Variants in DNAAF1 observed in about 807,000 individuals in gnomAD.
DNAAF1 encodes the protein dynein assembly factor 1, axonemal.
DNAAF1 carries 65 observed loss-of-function variants against 71.1 expected under a neutral mutation model. The observed-to-expected ratio is 0.91, with a 90% confidence interval of 0.75 to 1.12. DNAAF1 has a LOEUF of 1.12. Among genes scored for constraint, DNAAF1 ranks in the 50% most tolerant of loss-of-function variants. The probability of loss-of-function intolerance (pLI) is 0.00; values close to 1 mark genes in which losing one functional copy is unlikely to be tolerated. For missense variants in DNAAF1, 1,178 were observed against 899.8 expected (o/e 1.31, Z -3.96); for synonymous variants, 414 against 354.6 (o/e 1.17, Z -1.88).
chr16:84,170,366 G>A lies in DNAAF1; in HGVS notation c.1528+10G>A, dbSNP rs2151267504. The A allele has an allele frequency of 6.2e-7, 1 of 1,613,640 alleles. No individual in the cohort carries two copies. The highest frequency in any genetic ancestry group is 8.5e-7 in the Non-Finnish European group (1 of 1,180,032). ...GGAGCTGCCAGGGAAGGTAATGTGA[G>A]CGGAGAAACACACACAGACACACAC... On this transcript the variant is annotated intron_variant, in intron 8 of 11. Coordinates refer to ENST00000378553, the MANE Select transcript of DNAAF1 (RefSeq NM_178452.6).
intron 5 of DNAAF1, among the ~76,000 whole-genome samples, chr16:84,156,141 T>A (rs1276818210): frequency 6.6e-6 from 1 of 152,174 alleles, no homozygotes; most frequent in Non-Finnish European, 1.5e-5. Context: ...TTTTGTATTC[T>A]TAGTAGATTC....
intron 11 of DNAAF1, chr16:84,176,556 G>A (rs577953347): frequency 1.2e-5 from 7 of 585,942 alleles, no homozygotes; most frequent in Non-Finnish European, 2.1e-5. Context: ...ACTGTGTGTG[G>A]GGGTCACAAT....
intron 11 of DNAAF1, 45 bp downstream of exon 11, chr16:84,176,344 C>T: frequency 6.2e-7 from 1 of 1,611,522 alleles, no homozygotes; most frequent in Non-Finnish European, 8.5e-7. Flanking sequence ...ATGTTGGCTC[C>T]CCGGCCTGGG....
intron 11 of DNAAF1, 58 bp downstream of exon 11, chr16:84,176,357 G>T: frequency 6.2e-7 from 1 of 1,609,638 alleles, no homozygotes; most frequent in Non-Finnish European, 8.5e-7. Flanking sequence ...GGCCTGGGAT[G>T]GGTGGGGCAG....
At chr16:84,170,493 G>A (rs903464725) in intron 8 of DNAAF1, 137 bp downstream of exon 8, 2 of 1,380,048 alleles carry the variant, frequency 1.4e-6, no homozygotes, top group African/African-American at 2.9e-5. Context: ...ATGGACACTA[G>A]TTATCTTGTT....
chr16:84,150,270 C>CA lies in DNAAF1; in HGVS notation c.285dup (p.Leu96ThrfsTer15), dbSNP rs762604137. On this transcript the variant is annotated frameshift_variant, in exon 3 of 12. Transcript: ENST00000378553. LOFTEE classifies it high-confidence loss of function. Reference sequence around the variant, plus strand: ...TAACAGAATGACTAAAAGTTCCCTGCAAAAACTCTGCAAGCAGCACAAGCT... The same window carrying CA: ...TAACAGAATGACTAAAAGTTCCCTGCAAAAAACTCTGCAAGCAGCACAAGCT... 11 of 1,613,654 alleles carry CA rather than the reference C, an allele frequency of 6.8e-6. No individual in the cohort carries two copies. Among genetic ancestry groups the CA allele is most frequent in the Non-Finnish European group, 9.3e-6 (11 of 1,179,600 alleles).
At chr16:84,165,239 A>C (rs2087913849) in intron 6 of DNAAF1, among the ~76,000 whole-genome samples, 1 of 152,064 alleles carries the variant, frequency 6.6e-6, no homozygotes, top group African/African-American at 2.4e-5. Flanking sequence ...CTCATTTTGA[A>C]ATTGTGTCAT....
chr16:84,171,083 G>A (rs912633993), intron 8 of DNAAF1, among the ~76,000 whole-genome samples: 12 of 152,074 alleles, frequency 7.9e-5, no homozygotes, highest in African/African-American at 1.9e-4. Context: ...TGACATAAAC[G>A]AAGCCCCGAG....
In DNAAF1 at chr16:84,154,603, G is replaced by C; in HGVS notation, c.379G>C (p.Glu127Gln). 4.3e-6 allele frequency: 7 copies of C among 1,614,150 alleles called. No homozygotes were observed. Among genetic ancestry groups the C allele is most frequent in the African/African-American group, 2.7e-5 (2 of 75,036 alleles). ...KGFDRIENLE[E>Q]YTGLRCLWLQ... is the part of the protein sequence containing the mutation. ...TTTTGATCGCATTGAGAACCTGGAAGAGTACACAGGGCTGCGCTGTCTCTG... is the reference window on the plus strand; with the variant it reads ...TTTTGATCGCATTGAGAACCTGGAACAGTACACAGGGCTGCGCTGTCTCTG... Residue 127 changes from glutamate to glutamine, a missense_variant, in exon 4 of 12, where the codon GAG becomes CAG. Physicochemically the swap from Glu to Gln is conservative, Grantham distance 29 (BLOSUM62 2). Transcript: ENST00000378553.
rs1184177131 is a variant in DNAAF1 at position 84,176,133 on chromosome 16, G to A, written c.1899G>A (p.Leu633=). The A allele has an allele frequency of 1.9e-6, 3 of 1,613,982 alleles. No individual in the cohort carries two copies. The highest frequency in any genetic ancestry group is 2.2e-5 in the East Asian group (1 of 44,874). ...DIFKKEAKRD[L]EIRKQDTKSP... is the part of the protein sequence containing the mutation. ...TTAAAAAAGAAGCTAAGAGGGACTTGGAAATCCGAAAACAAGACACCAAGT... is the reference window on the plus strand; with the variant it reads ...TTAAAAAAGAAGCTAAGAGGGACTTAGAAATCCGAAAACAAGACACCAAGT... The change falls in exon 11 of 12, where the codon TTG becomes TTA. Residue 633 remains leucine, a synonymous_variant. Transcript: ENST00000378553.
At chr16:84,152,708 C>T (rs1474057939) in intron 3 of DNAAF1, among the ~76,000 whole-genome samples, 3 of 149,386 alleles carry the variant, frequency 2.0e-5, no homozygotes, top group Non-Finnish European at 4.4e-5. Context: ...AATCCCAGCA[C>T]TTTGGGAGGC....
At chr16:84,153,326 AAACCAC>A (rs1184938116) in intron 3 of DNAAF1, among the ~76,000 whole-genome samples, 1 of 152,358 alleles carries the variant, frequency 6.6e-6, no homozygotes, top group Admixed American at 6.5e-5. Context: ...CCTATGCAGC[AAACCAC>A]ATGGCACACA....
chr16:84,165,777 A>G lies in DNAAF1; in HGVS notation c.864-6A>G. On this transcript the variant is annotated splice_region_variant and splice_polypyrimidine_tract_variant and intron_variant, in intron 6 of 11. Transcript: ENST00000378553. ...CCCTATTTATGTTTCTTTGTTTTTT[A>G]AACAGAGCTTGTGCGGAGGCCTGGG... is the stretch of plus-strand genomic sequence containing the variant. The G allele has an allele frequency of 6.2e-7, 1 of 1,613,316 alleles. No homozygotes were observed. The highest frequency in any genetic ancestry group is 8.5e-7 in the Non-Finnish European group (1 of 1,179,716).
chr16:84,176,141 G>A lies in DNAAF1; in HGVS notation c.1907G>A (p.Arg636Gln), dbSNP rs773443425. 27 of 1,613,934 alleles carry A rather than the reference G, an allele frequency of 1.7e-5. No individual in the cohort carries two copies. Among genetic ancestry groups the A allele is most frequent in the East Asian group, 1.6e-4 (7 of 44,890 alleles). The change falls in exon 11 of 12, where the codon CGA becomes CAA. Residue 636 changes from arginine (R) to glutamine (Q), a missense_variant. Coordinates refer to ENST00000378553, the MANE Select transcript of DNAAF1 (RefSeq NM_178452.6). Reference sequence around the variant, plus strand: ...GAAGCTAAGAGGGACTTGGAAATCCGAAAACAAGACACCAAGTCCCCAAGA... The same window carrying A: ...GAAGCTAAGAGGGACTTGGAAATCCAAAAACAAGACACCAAGTCCCCAAGA... ...KKEAKRDLEI[R>Q]KQDTKSPRPL...
At chr16:84,152,441 G>A (rs1249592063) in intron 3 of DNAAF1, among the ~76,000 whole-genome samples, 6 of 151,248 alleles carry the variant, frequency 4.0e-5, no homozygotes, top group African/African-American at 1.5e-4. Flanking sequence ...TCAGGAGTTT[G>A]AGACCAGTCT....
chr16:84,155,832 CTT>C, intron 5 of DNAAF1, 83 bp downstream of exon 5: 1 of 1,508,316 alleles, frequency 6.6e-7, no homozygotes. Flanking sequence ...GTCCTTTTGT[CTT>C]TTCTCTCCTT....
chr16:84,155,385 G>C (rs536062114), intron 4 of DNAAF1, among the ~76,000 whole-genome samples, 198 bp from the exon 5 acceptor site: 33 of 152,210 alleles, frequency 2.2e-4, no homozygotes, highest in Admixed American at 6.5e-4. Context: ...TGTGCCACCA[G>C]ACCTGGCAAG....
At chr16:84,158,026 T>C (rs2087524697) in intron 5 of DNAAF1, among the ~76,000 whole-genome samples, 2 of 152,098 alleles carry the variant, frequency 1.3e-5, no homozygotes, top group Admixed American at 1.3e-4. Flanking sequence ...GCTAACATGG[T>C]GAAACCGTCT....
intron 1 of DNAAF1, among the ~76,000 whole-genome samples, chr16:84,148,596 C>CTCTTTTTTTT: frequency 4.6e-5 from 2 of 43,566 alleles, no homozygotes; most frequent in African/African-American, 1.8e-4. Context: ...CTCTCTCTCT[C>CTCTTTTTTTT]TTTTTTTTTT....
Sources: gnomAD v4.1 joint callset for allele counts (sites outside exome capture counted in the v4.1 genomes callset) on GRCh38, gnomAD v4.1.1 for gene constraint, MANE v1.5 for transcripts, NCBI Gene and HGNC (gene_info 2026-07-23, HGNC 2026-07-21) for gene names.